The following DENND1C variants were observed in gnomAD, a reference collection of about 807,000 sequenced individuals.
DENND1C encodes DENN domain containing 1C, also known as DENN domain-containing protein 1C.
DENND1C carries 64 observed loss-of-function variants against 87.9 expected under a neutral mutation model. That is an observed-to-expected ratio of 0.73 (90% CI 0.60 to 0.90). The LOEUF (loss-of-function observed/expected upper bound fraction) is 0.90, where lower values mean the gene tolerates loss of function less well. Ranked by LOEUF, DENND1C falls within the 40% of genes least tolerant of loss-of-function variation. The pLI is 0.00. For missense variants in DENND1C, 980 were observed against 1,037.0 expected (o/e 0.95, Z 0.76); for synonymous variants, 384 against 424.4 (o/e 0.90, Z 1.17).
intron 14 of DENND1C, 65 bp downstream of exon 14, chr19:6,475,209 T>G: frequency 6.2e-7 from 1 of 1,604,296 alleles, no homozygotes; most frequent in Non-Finnish European, 8.5e-7. Context: ...CTACTGTACC[T>G]ATCGTTACAT....
intron 15 of DENND1C, among the ~76,000 whole-genome samples, chr19:6,472,367 G>C (rs992803232): frequency 2.0e-5 from 3 of 152,120 alleles, no homozygotes; most frequent in Admixed American, 6.6e-5. Flanking sequence ...AGGAACCCAG[G>C]AGTTGGGGGC....
chr19:6,469,283 G>A (rs1487295970), intron 19 of DENND1C, among the ~76,000 whole-genome samples: 4 of 151,942 alleles, frequency 2.6e-5, no homozygotes, highest in Non-Finnish European at 5.9e-5. Flanking sequence ...CACCCTCCTC[G>A]GCCTCCCAAA....
intron 10 of DENND1C, chr19:6,476,277 G>T (rs348397): frequency 3.4e-4 from 100 of 294,210 alleles, no homozygotes; most frequent in African/African-American, 2.2e-3. Context: ...GACGTAGACC[G>T]CCCTTGTCCC....
chr19:6,475,061 CA>C (rs1308575489), intron 14 of DENND1C, among the ~76,000 whole-genome samples: 1 of 148,586 alleles, frequency 6.7e-6, no homozygotes, highest in Non-Finnish European at 1.5e-5. Context: ...AACAAACAAA[CA>C]AACAACAACA....
Position 6,477,453 on chromosome 19 carries a change from G to A in DENND1C, c.372C>T (p.Thr124=), listed in dbSNP as rs561129915. ...GATTTTGAAGAAGTTCCTCTGCCTC[G>A]GTGACCTGGGTGGGACGTGGAGGGG... ...VGDLLAQDQV[T]EAEELLQNLF... Residue 124 remains threonine, a synonymous_variant, in exon 7 of 23, where the codon ACC becomes ACT. Transcript: ENST00000381480. 3.7e-6 allele frequency: 6 copies of A among 1,613,040 alleles called. No homozygotes were observed. The East Asian group carries it at 1.3e-4, about 36-fold the overall frequency.
chr19:6,474,863 G>A (rs770271314), intron 14 of DENND1C, among the ~76,000 whole-genome samples: 1 of 152,088 alleles, frequency 6.6e-6, no homozygotes, highest in Non-Finnish European at 1.5e-5. Context: ...GAGGTCAGGA[G>A]TTCGAGACCA....
chr19:6,473,816 G>GGGGGGGGGA, intron 14 of DENND1C, among the ~76,000 whole-genome samples: 1 of 131,580 alleles, frequency 7.6e-6, no homozygotes, highest in Non-Finnish European at 1.6e-5. Context: ...GGGGGGTGGG[G>GGGGGGGGGA]GGAGGGAAAT....
chr19:6,473,952 T>A (rs2092844643), intron 14 of DENND1C, among the ~76,000 whole-genome samples: 1 of 152,028 alleles, frequency 6.6e-6, no homozygotes, highest in Non-Finnish European at 1.5e-5. Context: ...TTCAGCACTC[T>A]GGGAAGAGGA....
Position 6,470,317 on chromosome 19 carries a change from G to T in DENND1C, c.1340C>A (p.Ala447Asp). The change falls in exon 18 of 23, where the codon GCC becomes GAC. Residue 447 changes from alanine to aspartate, a missense_variant. Ala to Asp is a moderately radical substitution (Grantham distance 126). Transcript: ENST00000381480. ...LHSVKAKTQPAVKNMYRSAKS... is the reference protein window; with the variant it reads ...LHSVKAKTQPDVKNMYRSAKS... ...CACCGAGCGGTACATGTTCTTGACG[G>T]CTGGTTGGGTCTTGGCCTTGACTGA... 3 of 1,611,918 alleles carry T rather than the reference G, an allele frequency of 1.9e-6. No homozygotes were observed. The highest frequency in any genetic ancestry group is 1.7e-6 in the Non-Finnish European group (2 of 1,179,146).
In DENND1C at chr19:6,475,317, G is replaced by A; in HGVS notation, c.1010C>T (p.Ala337Val). Residue 337 changes from alanine to valine, a missense_variant, in exon 14 of 23, where the codon GCC becomes GTC. Transcript: ENST00000381480. ...GVSRLFLKAQ[A>V]LLFGGYRDAL... Reference sequence around the variant, plus strand: ...GTCGCGGTACCCCCCGAAGAGCAGGGCCTGGGCTTTGAGGAAGAGACGGGA... The same window carrying A: ...GTCGCGGTACCCCCCGAAGAGCAGGACCTGGGCTTTGAGGAAGAGACGGGA... The A allele has an allele frequency of 1.2e-6, 2 of 1,613,396 alleles. No individual in the cohort carries two copies. The highest frequency in any genetic ancestry group is 8.5e-7 in the Non-Finnish European group (1 of 1,179,812).
chr19:6,470,078 G>A, intron 18 of DENND1C: 2 of 540,386 alleles, frequency 3.7e-6, no homozygotes, highest in Non-Finnish European at 3.2e-6. Flanking sequence ...GGGCGGAGGG[G>A]GGCGGGTAGG....
rs1485670315 is a variant in DENND1C at position 6,475,163 on chromosome 19, TTG to T, written c.1053+109_1053+110del. ...TCTCCCATCTCGGCATCCCAAAGTG[TTG>T]GGATTACAGGCGTGAGCCACTGCGT... On this transcript the variant is annotated intron_variant, in intron 14 of 22. Coordinates refer to ENST00000381480, the MANE Select transcript of DENND1C (RefSeq NM_024898.4). 10 of 1,541,934 alleles carry T rather than the reference TTG, an allele frequency of 6.5e-6. No individual in the cohort carries two copies. In the Admixed American group the frequency reaches 1.5e-4, roughly 22 times the overall value.
Position 6,475,554 on chromosome 19 carries a change from A to G in DENND1C, c.857T>C (p.Val286Ala). ...RVREKALEDV[V>A]VLNVDANTLE... ...GGTATTGGCGTCCACGTTCAGCACC[A>G]CGACGTCCTCCAGGGCTTTTTCTCG... The change falls in exon 13 of 23, where the codon GTG becomes GCG. Residue 286 changes from valine (V) to alanine (A), a missense_variant. Transcript: ENST00000381480. 1 of 1,613,998 alleles carries G rather than the reference A, an allele frequency of 6.2e-7. No individual in the cohort carries two copies. The highest frequency in any genetic ancestry group is 8.5e-7 in the Non-Finnish European group (1 of 1,179,874).
Position 6,467,320 on chromosome 19 carries a change from G to A in DENND1C, c.*184C>T. The A allele has an allele frequency of 1.3e-6, 1 of 743,612 alleles. No individual in the cohort carries two copies. The highest frequency in any genetic ancestry group is 2.0e-6 in the Non-Finnish European group (1 of 511,656). 46.1% of individuals were successfully genotyped at this position (743,612 alleles called of 1,614,324 possible). On this transcript the variant is annotated 3_prime_UTR_variant, in exon 23 of 23. Transcript: ENST00000381480. ...GGTTGCCAGGATTCTAGAAGACCAGGAGGCTTCCTGGAATTCCCTGCTAGG... is the reference window on the plus strand; with the variant it reads ...GGTTGCCAGGATTCTAGAAGACCAGAAGGCTTCCTGGAATTCCCTGCTAGG...
intron 8 of DENND1C, 31 bp downstream of exon 8, chr19:6,477,187 C>G (rs2092866549): frequency 6.3e-7 from 1 of 1,590,786 alleles, no homozygotes; most frequent in Non-Finnish European, 8.6e-7. Context: ...CCTGGACCCC[C>G]GACCTTCCAG....
intron 17 of DENND1C, 85 bp from the exon 18 acceptor site, chr19:6,470,451 CT>C (rs1305423955): frequency 2.2e-6 from 3 of 1,349,182 alleles, no homozygotes; most frequent in Non-Finnish European, 3.1e-6. Context: ...AATCAAGCCC[CT>C]TTCCCTCTCT....
chr19:6,471,001 C>T (rs2092825855), intron 17 of DENND1C, among the ~76,000 whole-genome samples: 1 of 151,992 alleles, frequency 6.6e-6, no homozygotes, highest in Admixed American at 6.6e-5. Context: ...GTCACCCAGG[C>T]TGGAGTGCAG....
At chr19:6,476,198 A>G (rs2092859026) in intron 10 of DENND1C, 3 of 478,320 alleles carry the variant, frequency 6.3e-6, no homozygotes, top group Non-Finnish European at 7.4e-6. Context: ...AACACCCCTG[A>G]GTCTTCCCCA....
intron 5 of DENND1C, 27 bp from the exon 6 acceptor site, chr19:6,478,879 G>T (rs1183658875): frequency 6.2e-7 from 1 of 1,613,856 alleles, no homozygotes; most frequent in South Asian, 1.1e-5. Flanking sequence ...CAGGTTCCAC[G>T]AAGTGTCCCT....
Sources: gnomAD v4.1 joint callset for allele counts (sites outside exome capture counted in the v4.1 genomes callset) on GRCh38, gnomAD v4.1.1 for gene constraint, MANE v1.5 for transcripts, NCBI Gene and HGNC (gene_info 2026-07-23, HGNC 2026-07-21) for gene names.